The following ZDHHC23 variants were observed in gnomAD, a reference collection of about 807,000 sequenced individuals.
The protein encoded by ZDHHC23 is zDHHC palmitoyltransferase 23, also known as palmitoyltransferase ZDHHC23.
ZDHHC23 carries 41 observed loss-of-function variants against 40.2 expected under a neutral mutation model. The observed-to-expected ratio is 1.02, with a 90% CI of 0.79 to 1.32. The LOEUF is 1.32. Ranked by LOEUF, ZDHHC23 falls within the 40% of genes most tolerant of loss-of-function variation. The pLI is 0.00. For missense variants in ZDHHC23, 471 were observed against 541.5 expected, an observed-to-expected ratio of 0.87 and a Z score of 1.29; for synonymous variants, 204 against 210.2, an observed-to-expected ratio of 0.97 and a Z score of 0.26.
At position 113,948,729 on chromosome 3, in the gene ZDHHC23, C is replaced by T. The variant is rs1250917714; in HGVS notation, c.-74C>T. On this transcript the variant is annotated 5_prime_UTR_variant, in exon 2 of 5. It adds an upstream start codon to the 5' untranslated region. Transcript: ENST00000638807. ...AGAGAGAGAGGCGTGGACCTATTTA[C>T]GAGATGTAAGTTGTGTTCTTTCCAC... is the stretch of plus-strand genomic sequence containing the variant. 2 of 1,562,146 alleles carry T rather than the reference C, an allele frequency of 1.3e-6. No individual in the cohort carries two copies. The highest frequency in any genetic ancestry group is 8.8e-7 in the Non-Finnish European group (1 of 1,140,076).
chr3:113,967,243 C>T (rs1332759686), downstream of ZDHHC23, among the ~76,000 whole-genome samples: 1 of 152,230 alleles, frequency 6.6e-6, no homozygotes, highest in African/African-American at 2.4e-5. Context: ...GTCTCCCATT[C>T]TCAGCCATTC....
rs768422896 is a variant in ZDHHC23 at position 113,957,686 on chromosome 3, A to G, written c.1041-677A>G. On this transcript the variant is annotated intron_variant, in intron 4 of 4. Coordinates refer to ENST00000638807, the MANE Select transcript of ZDHHC23 (RefSeq NM_001320466.2). ...ACAAATGAAGATTCTGAATGAACTT[A>G]TTTCTAACTAACTCTTAATTTGCGA... 3 of 508,974 alleles carry G rather than the reference A, an allele frequency of 5.9e-6. No homozygotes were observed. The Admixed American group carries it at 6.0e-5, about 10-fold the overall frequency. The allele number at this position is 508,974 out of a possible 1,614,324, so 31.5% of individuals were successfully genotyped here.
Position 113,958,992 on chromosome 3 carries a change from A to G in ZDHHC23, c.*362A>G. On this transcript the variant is annotated 3_prime_UTR_variant, in exon 5 of 5. Transcript: ENST00000638807. ...TTTCTAGTCCCTCTTTCGATTCTTA[A>G]TAGCCATGTGACCCCTAGCTGAGTC... is the stretch of plus-strand genomic sequence containing the variant. 3 of 1,161,828 alleles carry G rather than the reference A, an allele frequency of 2.6e-6. No homozygotes were observed. The highest frequency in any genetic ancestry group is 3.3e-6 in the Non-Finnish European group (3 of 918,058). The allele number at this position is 1,161,828 out of a possible 1,614,324, so 72.0% of individuals were successfully genotyped here.
chr3:113,957,686 A>C (rs768422896), intron 4 of ZDHHC23: 1 of 508,974 alleles, frequency 2.0e-6, no homozygotes, highest in Non-Finnish European at 3.9e-6. Context: ...GAATGAACTT[A>C]TTTCTAACTA....
chr3:113,957,053 G>A (rs1939295853), intron 4 of ZDHHC23, among the ~76,000 whole-genome samples: 2 of 152,038 alleles, frequency 1.3e-5, no homozygotes, highest in African/African-American at 4.8e-5. Context: ...GATGATTACT[G>A]TGATATGTAG....
the ZDHHC23 span, among the ~76,000 whole-genome samples, chr3:113,971,118 C>G: frequency 6.6e-6 from 1 of 152,182 alleles, no homozygotes; most frequent in East Asian, 1.9e-4. Context: ...ATTTCTAGTT[C>G]TAGATCCCTG....
chr3:113,960,413 G>T lies in ZDHHC23; in HGVS notation c.*1783G>T. On this transcript the variant is annotated 3_prime_UTR_variant, in exon 5 of 5. Transcript: ENST00000638807. ...TTCATCTAGAATTAAAGTTGGATTT[G>T]ATATAACAAATTTCTTTCTATACAG... 1.6e-6 allele frequency: 2 copies of T among 1,264,302 alleles called. No individual in the cohort carries two copies. The highest frequency in any genetic ancestry group is 1.9e-5 in the South Asian group (1 of 51,780). 78.3% of individuals were successfully genotyped at this position (1,264,302 alleles called of 1,614,324 possible).
At chr3:113,972,666 G>A in the ZDHHC23 span, among the ~76,000 whole-genome samples, 4 of 152,136 alleles carry the variant, frequency 2.6e-5, no homozygotes, top group East Asian at 1.9e-4. Flanking sequence ...TGAGAGTGGC[G>A]TGTTGAAGTC....
At chr3:113,969,385 G>A (rs1383263567), downstream of ZDHHC23, among the ~76,000 whole-genome samples, 1 of 152,124 alleles carries the variant, frequency 6.6e-6, no homozygotes, top group Non-Finnish European at 1.5e-5. Context: ...TGCTTTGGTT[G>A]TCTGTGCTTT....
chr3:113,970,795 C>T, the ZDHHC23 span, among the ~76,000 whole-genome samples: 2 of 151,968 alleles, frequency 1.3e-5, no homozygotes, highest in Non-Finnish European at 2.9e-5. Context: ...CCAATTCCCA[C>T]CTATGAGTGA....
intron 2 of ZDHHC23, among the ~76,000 whole-genome samples, chr3:113,951,947 G>A (rs1938707863): frequency 1.3e-5 from 2 of 152,170 alleles, no homozygotes; most frequent in Non-Finnish European, 2.9e-5. Flanking sequence ...AGACCAGCCT[G>A]AACGACATGG....
At position 113,958,158 on chromosome 3, in the gene ZDHHC23, T is replaced by C. The variant is rs183794228; in HGVS notation, c.1041-205T>C. ...TATTCTAGTGTAATATACTAGAAAA[T>C]AGGCACCAGTAATTATAGAATAAAC... is the stretch of plus-strand genomic sequence containing the variant. On this transcript the variant is annotated intron_variant, in intron 4 of 4. Transcript: ENST00000638807. 2.7e-4 allele frequency among the ~76,000 whole-genome samples: 41 copies of C among 152,192 alleles called. No homozygotes were observed. In the East Asian group the frequency reaches 6.6e-3, roughly 24 times the overall value.
chr3:113,953,088 A>C (rs1031548253), intron 2 of ZDHHC23, among the ~76,000 whole-genome samples: 1 of 152,222 alleles, frequency 6.6e-6, no homozygotes, highest in Non-Finnish European at 1.5e-5. Context: ...ATTCTTCTCT[A>C]TGTAGCCCTG....
At chr3:113,979,171 C>T in the ZDHHC23 span, among the ~76,000 whole-genome samples, 4 of 152,274 alleles carry the variant, frequency 2.6e-5, no homozygotes, top group East Asian at 7.7e-4. Context: ...TGACTGTTGA[C>T]CTATTCTATG....
rs912816930 is a variant in ZDHHC23, at chr3:113,956,386, C to G, written c.920C>G (p.Ala307Gly). Reference protein sequence around the residue: ...GESNHQAFILALLIFLLTSVY... With the variant: ...GESNHQAFILGLLIFLLTSVY... ...TCAAATCATCAAGCATTTATACTTG[C>G]CCTTTTGATCTTCTTGCTCACCTCG... is the stretch of plus-strand genomic sequence containing the variant. The change falls in exon 4 of 5, where the codon GCC becomes GGC. Residue 307 changes from alanine (A) to glycine (G), a missense_variant. Ala to Gly is a moderately conservative substitution (Grantham distance 60). Transcript: ENST00000638807. 4 of 1,614,028 alleles carry G rather than the reference C, an allele frequency of 2.5e-6. No individual in the cohort carries two copies. The highest frequency in any genetic ancestry group is 3.4e-6 in the Non-Finnish European group (4 of 1,180,024).
intron 3 of ZDHHC23, among the ~76,000 whole-genome samples, chr3:113,956,022 T>A (rs1939194134): frequency 6.6e-6 from 1 of 152,162 alleles, no homozygotes; most frequent in South Asian, 2.1e-4. Flanking sequence ...GGTGGGTGGA[T>A]CATGAGGTCA....
chr3:113,958,498 G>T lies in ZDHHC23; in HGVS notation c.1176G>T (p.Lys392Asn), dbSNP rs377625018. 1.4e-5 allele frequency: 23 copies of T among 1,614,056 alleles called. No individual in the cohort carries two copies. In the East Asian group the frequency reaches 3.3e-4, roughly 23 times the overall value. The change falls in exon 5 of 5, where the codon AAG (lysine) becomes AAT (asparagine). Residue 392 changes from lysine (K) to asparagine (N), a missense_variant. By Grantham distance (94) the Lys-to-Asn change is moderately conservative (BLOSUM62 0). Around this residue, in one of 3 missense-constraint regions of ZDHHC23, gnomAD observed 346 missense variants for 399.8 expected, o/e 0.87. Transcript: ENST00000638807. ...EREVQQALRQ[K>N]TGRRLLCGLI... is the part of the protein sequence containing the mutation. The stretch of plus-strand genomic sequence containing the variant: ...AAGTCCAGCAGGCCCTCCGACAGAA[G>T]ACTGGGCGCCGGCTCCTCTGCGGGC...
At position 113,957,835 on chromosome 3, in the gene ZDHHC23, G is replaced by A. The variant is rs374318702; in HGVS notation, c.1041-528G>A. 320 of 518,560 alleles carry A rather than the reference G, an allele frequency of 6.2e-4. 2 individuals carry two copies. Among genetic ancestry groups the A allele is most frequent in the African/African-American group, 4.9e-3 (256 of 52,040 alleles). 32.1% of individuals were successfully genotyped at this position (518,560 alleles called of 1,614,324 possible). On this transcript the variant is annotated intron_variant, in intron 4 of 4. Transcript: ENST00000638807. ...TAGGAGGGTGAATTTGGAATGTCTC[G>A]GTGTTCCTACATCCAGGTAAGCACA...
chr3:113,967,053 C>G (rs1247343618), downstream of ZDHHC23, among the ~76,000 whole-genome samples: 4 of 152,012 alleles, frequency 2.6e-5, no homozygotes, highest in Non-Finnish European at 5.9e-5. Flanking sequence ...GAGCCGAGAT[C>G]AAGCCATGGC....
Sources: gnomAD v4.1 joint callset for allele counts (sites outside exome capture counted in the v4.1 genomes callset) on GRCh38, gnomAD v4.1.1 for gene constraint, gnomAD v4.1.1 regional missense constraint, MANE v1.5 for transcripts, NCBI Gene and HGNC (gene_info 2026-07-23, HGNC 2026-07-21) for gene names.